TMEM132D: variants seen among roughly 807,000 people sequenced by gnomAD.
TMEM132D encodes the protein mature OL transmembrane protein.
A neutral mutation model predicts 62.3 loss-of-function variants in TMEM132D; 21 were observed. The observed-to-expected ratio is 0.34, with a 90% CI of 0.24 to 0.49. The LOEUF is 0.49. Among genes scored for constraint, TMEM132D ranks in the 20% least tolerant of loss-of-function variants. The probability of loss-of-function intolerance (pLI) is 0.99; values close to 1 mark genes in which losing one functional copy is unlikely to be tolerated. For missense variants in TMEM132D, 1,346 were observed against 1,402.8 expected (o/e 0.96, Z 0.65); for synonymous variants, 621 against 575.6 (o/e 1.08, Z -1.13).
intron 3 of TMEM132D, among the ~76,000 whole-genome samples, chr12:129,342,483 C>T (rs1869528104): frequency 1.3e-5 from 2 of 151,920 alleles, no homozygotes; most frequent in African/African-American, 4.8e-5. Flanking sequence ...TAGAAGAAAA[C>T]CTAGGCAATA....
intron 3 of TMEM132D, among the ~76,000 whole-genome samples, chr12:129,513,369 C>A (rs555372065): frequency 5.9e-5 from 9 of 152,224 alleles, no homozygotes; most frequent in African/African-American, 1.7e-4. Flanking sequence ...CCCCCATAAC[C>A]CAAACATCAC....
intron 2 of TMEM132D, among the ~76,000 whole-genome samples, chr12:129,631,224 C>A (rs1019545100): frequency 6.6e-6 from 1 of 152,148 alleles, no homozygotes; most frequent in Non-Finnish European, 1.5e-5. Flanking sequence ...CTTCCTTCAG[C>A]GCTACTGCGT....
At chr12:129,749,856 G>C (rs988581204) in intron 1 of TMEM132D, among the ~76,000 whole-genome samples, 8 of 152,164 alleles carry the variant, frequency 5.3e-5, no homozygotes, top group African/African-American at 9.7e-5. Flanking sequence ...CTTGAGAATT[G>C]TCCATGTACC....
intron 4 of TMEM132D, among the ~76,000 whole-genome samples, chr12:129,298,369 C>A (rs1309529507): frequency 1.3e-5 from 2 of 152,120 alleles, no homozygotes; most frequent in African/African-American, 4.8e-5. Context: ...TTATAGGGTT[C>A]AGTTTGATAT....
chr12:129,896,139 T>G (rs1209663641), intron 1 of TMEM132D, among the ~76,000 whole-genome samples: 1 of 129,230 alleles, frequency 7.7e-6, no homozygotes, highest in Non-Finnish European at 1.5e-5. Flanking sequence ...CTGGCTCATT[T>G]TTTTTGTTTT....
At chr12:129,207,030 T>C (rs1402379870) in intron 5 of TMEM132D, among the ~76,000 whole-genome samples, 1 of 152,098 alleles carries the variant, frequency 6.6e-6, no homozygotes, top group Non-Finnish European at 1.5e-5. Flanking sequence ...TGAAACTATC[T>C]GTAATCAAAG....
rs374527918 is a variant in TMEM132D at position 129,572,589 on chromosome 12, C to T, written c.969-41384G>A. ...TCAGCCTCCTGAGTAGCTGGGATTA[C>T]TAGGCATGCGGCATCACACCCAGCT... On this transcript the variant is annotated intron_variant, in intron 2 of 8. Transcript: ENST00000422113. Among the ~76,000 whole-genome samples, 367 of 152,264 alleles carry T rather than the reference C, an allele frequency of 2.4e-3. 1 individual carries two copies. The highest frequency in any genetic ancestry group is 7.5e-3 in the South Asian group (36 of 4,812).
chr12:129,712,345 C>T (rs1319534914), intron 1 of TMEM132D, among the ~76,000 whole-genome samples: 1 of 152,098 alleles, frequency 6.6e-6, no homozygotes, highest in South Asian at 2.1e-4. Context: ...AGGATGGTCT[C>T]GATCTCCTGA....
chr12:129,830,781 A>AGTT (rs1162630116), intron 1 of TMEM132D, among the ~76,000 whole-genome samples: 1 of 152,152 alleles, frequency 6.6e-6, no homozygotes, highest in Non-Finnish European at 1.5e-5. Context: ...TATAAAAGTT[A>AGTT]GTTATTATTA....
At chr12:129,242,861 T>C (rs951240292) in intron 4 of TMEM132D, among the ~76,000 whole-genome samples, 1 of 152,232 alleles carries the variant, frequency 6.6e-6, no homozygotes, top group Non-Finnish European at 1.5e-5. Flanking sequence ...TCTTCCAAAA[T>C]GCTAGGAAAT....
At chr12:129,444,742 C>T (rs1873045591) in intron 3 of TMEM132D, among the ~76,000 whole-genome samples, 1 of 152,184 alleles carries the variant, frequency 6.6e-6, no homozygotes, top group Non-Finnish European at 1.5e-5. Context: ...CCCAACATCA[C>T]TGATCATTAG....
intron 4 of TMEM132D, among the ~76,000 whole-genome samples, chr12:129,328,685 AT>A (rs2135649301): frequency 6.6e-6 from 1 of 152,230 alleles, no homozygotes; most frequent in South Asian, 2.1e-4. Context: ...TCAATTTCAT[AT>A]TTTTATGAGT....
At chr12:129,418,257 C>G (rs775999787) in intron 3 of TMEM132D, among the ~76,000 whole-genome samples, 1 of 152,192 alleles carries the variant, frequency 6.6e-6, no homozygotes, top group Non-Finnish European at 1.5e-5. Context: ...AAGACACATA[C>G]ACGTGTATGT....
At chr12:129,745,595 A>G (rs1464017686) in intron 1 of TMEM132D, among the ~76,000 whole-genome samples, 1 of 152,070 alleles carries the variant, frequency 6.6e-6, no homozygotes, top group African/African-American at 2.4e-5. Flanking sequence ...GGAACTCATA[A>G]CGGTATAACC....
chr12:129,127,231 A>G (rs1876240947), intron 5 of TMEM132D, among the ~76,000 whole-genome samples: 1 of 152,080 alleles, frequency 6.6e-6, no homozygotes, highest in Admixed American at 6.6e-5. Context: ...GCCAAAGGAC[A>G]CTCTTCCTCC....
intron 2 of TMEM132D, among the ~76,000 whole-genome samples, chr12:129,615,843 AATAAG>A (rs905235366): frequency 2.1e-5 from 3 of 142,584 alleles, no homozygotes; most frequent in Non-Finnish European, 3.1e-5. Context: ...AATAAAATAA[AATAAG>A]ATAGCTGTGA....
intron 2 of TMEM132D, among the ~76,000 whole-genome samples, chr12:129,565,514 A>C (rs564502812): frequency 6.6e-6 from 1 of 152,334 alleles, no homozygotes; most frequent in South Asian, 2.1e-4. Context: ...GGCAGGTGCA[A>C]GCCCCTCTTT....
chr12:129,284,417 A>G (rs577906264), intron 4 of TMEM132D, among the ~76,000 whole-genome samples: 1 of 152,320 alleles, frequency 6.6e-6, no homozygotes, highest in Admixed American at 6.5e-5. Context: ...AGCTAAAATA[A>G]CTCTTTAATT....
rs966849452 is a variant in TMEM132D at position 129,081,872 on chromosome 12, C to G, written c.1810G>C (p.Val604Leu). 6.2e-7 allele frequency: 1 copy of G among 1,613,956 alleles called. No homozygotes were observed. The highest frequency in any genetic ancestry group is 8.5e-7 in the Non-Finnish European group (1 of 1,180,046). ...TCATTTATCAGCTCCGTGATGTCCA[C>G]TTGCCAGTCTGAGCCCAGCAGGTGG... The part of the protein sequence containing the change: ...LAHLLGSDWQ[V>L]DITELINDFM... Residue 604 changes from valine (V) to leucine (L), a missense_variant, in exon 7 of 9, where the codon GTG becomes CTG. Coordinates refer to ENST00000422113, the MANE Select transcript of TMEM132D (RefSeq NM_133448.3).
Sources: allele counts gnomAD v4.1 joint callset (sites outside exome capture counted in the v4.1 genomes callset), GRCh38; gene constraint gnomAD v4.1.1; transcripts MANE v1.5; gene names NCBI Gene and HGNC (gene_info 2026-07-23, HGNC 2026-07-21).